LGR4: variants seen among roughly 807,000 people sequenced by gnomAD.
LGR4 encodes leucine rich repeat containing G protein-coupled receptor 4.
Under a neutral mutation model 84.8 loss-of-function variants are expected in LGR4, and 44 were observed. The observed-to-expected ratio is 0.52, with a 90% CI of 0.41 to 0.67. LGR4 has a LOEUF of 0.67. Ranked by LOEUF, LGR4 falls within the 30% of genes least tolerant of loss-of-function variation. The pLI is 0.00. For synonymous variants in LGR4, 429 were observed against 434.3 expected (o/e 0.99, Z 0.15); for missense variants, 1,032 against 1,131.4 (o/e 0.91, Z 1.26).
intron 1 of LGR4, among the ~76,000 whole-genome samples, chr11:27,464,752 A>G (rs901533093): frequency 6.6e-6 from 1 of 152,196 alleles, no homozygotes; most frequent in Non-Finnish European, 1.5e-5. Flanking sequence ...TAAAAATATA[A>G]GGGGATAGAG....
At chr11:27,397,722 AAACATGGG>A (rs1391212804) in intron 2 of LGR4, among the ~76,000 whole-genome samples, 1 of 152,226 alleles carries the variant, frequency 6.6e-6, no homozygotes, top group East Asian at 1.9e-4. Flanking sequence ...GAGGAACTCT[AAACATGGG>A]AACATCAGTC....
Position 27,372,330 on chromosome 11 carries a change from T to A in LGR4, c.1448A>T (p.Asn483Ile), listed in dbSNP as rs778872167. 13 of 1,613,786 alleles carry A rather than the reference T, an allele frequency of 8.1e-6. No homozygotes were observed. In the East Asian group the frequency reaches 2.5e-4, roughly 30 times the overall value. ...FWGCDSYANL[N>I]TEDNSLQDHS... The stretch of plus-strand genomic sequence containing the variant: ...GTCCTGGAGGCTGTTATCTTCTGTG[T>A]TTAAATTTGCATAAGAGTCACAACC... Residue 483 changes from asparagine to isoleucine, a missense_variant, in exon 16 of 18, where the codon AAC (asparagine) becomes ATC (isoleucine). By Grantham distance (149) the Asn-to-Ile change is moderately radical. Transcript: ENST00000379214.
chr11:27,392,487 G>A lies in LGR4; in HGVS notation c.289C>T (p.His97Tyr), dbSNP rs766337515. 1.9e-6 allele frequency: 3 copies of A among 1,592,482 alleles called. No individual in the cohort carries two copies. The highest frequency in any genetic ancestry group is 3.6e-5 in the Admixed American group (2 of 55,936). Reference sequence around the variant, plus strand: ...TTCAACCCAGACAAGGCCTTTGGGTGGATAAAAGAAAGGTCGTTGCCCGCC... The same window carrying A: ...TTCAACCCAGACAAGGCCTTTGGGTAGATAAAAGAAAGGTCGTTGCCCGCC... ...QLAGNDLSFI[H>Y]PKALSGLKEL... Residue 97 changes from histidine to tyrosine, a missense_variant, in exon 3 of 18, where the codon CAC becomes TAC. Transcript: ENST00000379214.
intron 1 of LGR4, among the ~76,000 whole-genome samples, chr11:27,431,309 T>C (rs982581032): frequency 5.9e-5 from 9 of 152,206 alleles, no homozygotes; most frequent in Admixed American, 1.3e-4. Context: ...AAACTTTCCA[T>C]GTGATTTTGA....
At position 27,369,396 on chromosome 11, in the gene LGR4, TAA is replaced by T. The variant is rs896578230; in HGVS notation, c.1580-255_1580-254del. On this transcript the variant is annotated intron_variant, in intron 17 of 17. Transcript: ENST00000379214. Reference sequence around the variant, plus strand: ...AATATTTCTTTTATTAAATATTTGATAAAGAGTGATATTTAGATGAAATTTTT... The same window carrying T: ...AATATTTCTTTTATTAAATATTTGATAGAGTGATATTTAGATGAAATTTTT... Among the ~76,000 whole-genome samples the T allele has an allele frequency of 1.9e-4, 29 of 152,342 alleles. 1 individual carries two copies. The highest frequency in any genetic ancestry group is 6.7e-4 in the African/African-American group (28 of 41,588).
intron 12 of LGR4, 109 bp downstream of exon 12, chr11:27,377,049 T>C: frequency 1.6e-6 from 1 of 622,404 alleles, no homozygotes; most frequent in Non-Finnish European, 2.8e-6. Flanking sequence ...AACATCTGAT[T>C]ACAGGAATTT....
At chr11:27,434,754 C>T (rs1326220899) in intron 1 of LGR4, among the ~76,000 whole-genome samples, 1 of 152,086 alleles carries the variant, frequency 6.6e-6, no homozygotes, top group African/African-American at 2.4e-5. Flanking sequence ...ACTGGAGAGA[C>T]CAATTCAAGG....
At chr11:27,430,098 C>T (rs1864090877) in intron 1 of LGR4, among the ~76,000 whole-genome samples, 1 of 152,132 alleles carries the variant, frequency 6.6e-6, no homozygotes, top group Non-Finnish European at 1.5e-5. Context: ...ACTCTCACAT[C>T]GAACGTACTC....
intron 2 of LGR4, among the ~76,000 whole-genome samples, chr11:27,396,908 C>T (rs921292400): frequency 4.6e-5 from 7 of 152,056 alleles, no homozygotes; most frequent in Non-Finnish European, 8.8e-5. Context: ...AGTTCTTTCC[C>T]CTCCGTGTTC....
At chr11:27,402,288 AC>A (rs1863519216) in intron 2 of LGR4, among the ~76,000 whole-genome samples, 1 of 151,998 alleles carries the variant, frequency 6.6e-6, no homozygotes, top group Non-Finnish European at 1.5e-5. Flanking sequence ...AGACAGCTCT[AC>A]TCCTAAATGA....
intron 2 of LGR4, among the ~76,000 whole-genome samples, chr11:27,393,705 C>A (rs1158502714): frequency 6.6e-6 from 1 of 151,990 alleles, no homozygotes; most frequent in Non-Finnish European, 1.5e-5. Context: ...GCCAGACACA[C>A]AACATCTTTA....
chr11:27,463,618 T>C (rs987994810), intron 1 of LGR4, among the ~76,000 whole-genome samples: 1 of 151,950 alleles, frequency 6.6e-6, no homozygotes, highest in African/African-American at 2.4e-5. Flanking sequence ...AAACCCCGTC[T>C]CTACTAAAAA....
rs1458708142 is a variant in LGR4, at chr11:27,380,281, G to C, written c.961C>G (p.Leu321Val). The C allele has an allele frequency of 6.2e-7, 1 of 1,607,246 alleles. No individual in the cohort carries two copies. The highest frequency in any genetic ancestry group is 1.3e-5 in the African/African-American group (1 of 74,676). The part of the protein sequence containing the change: ...QFPNLTGTVH[L>V]ESLTLTGTKI... ...AAGGGCCTTACTTACAGACTTTCCA[G>C]GTGGACAGTTCCTGTAAGATTGGGG... is the stretch of plus-strand genomic sequence containing the variant. The change falls in exon 10 of 18, where the codon CTG (leucine) becomes GTG (valine). Residue 321 changes from leucine to valine, a missense_variant. By Grantham distance (32) the Leu-to-Val change is conservative (BLOSUM62 1). Transcript: ENST00000379214.
chr11:27,436,335 CAGAG>C (rs1290081903), intron 1 of LGR4, among the ~76,000 whole-genome samples: 14 of 93,898 alleles, frequency 1.5e-4, no homozygotes, highest in African/African-American at 2.1e-4. Context: ...AAATAAAAGA[CAGAG>C]AGAGAGAGAG....
intron 1 of LGR4, among the ~76,000 whole-genome samples, chr11:27,449,554 C>T (rs1342760051): frequency 6.6e-6 from 1 of 151,580 alleles, no homozygotes; most frequent in East Asian, 1.9e-4. Context: ...TGCACACCAG[C>T]CTGGGCGACA....
At chr11:27,385,973 T>C (rs913762049) in intron 4 of LGR4, among the ~76,000 whole-genome samples, 12 of 152,132 alleles carry the variant, frequency 7.9e-5, no homozygotes, top group African/African-American at 2.9e-4. Flanking sequence ...ATAAAGAATC[T>C]AAATAGATTT....
chr11:27,404,190 A>G (rs1863557683), intron 2 of LGR4, among the ~76,000 whole-genome samples: 1 of 152,174 alleles, frequency 6.6e-6, no homozygotes, highest in Non-Finnish European at 1.5e-5. Context: ...CCAGCAAACC[A>G]TGGTTTCATT....
At chr11:27,457,630 A>T (rs1761342542) in intron 1 of LGR4, among the ~76,000 whole-genome samples, 1 of 152,216 alleles carries the variant, frequency 6.6e-6, no homozygotes, top group African/African-American at 2.4e-5. Flanking sequence ...ATAAACATAC[A>T]TTTACCATAT....
intron 1 of LGR4, among the ~76,000 whole-genome samples, chr11:27,459,180 T>C (rs1474922970): frequency 6.6e-6 from 1 of 152,192 alleles, no homozygotes; most frequent in African/African-American, 2.4e-5. Flanking sequence ...AAGAGATGTC[T>C]ATATAAATTT....
Sources: gnomAD v4.1 joint callset for allele counts (sites outside exome capture counted in the v4.1 genomes callset) on GRCh38, gnomAD v4.1.1 for gene constraint, MANE v1.5 for transcripts, NCBI Gene and HGNC (gene_info 2026-07-23, HGNC 2026-07-21) for gene names.